The following DLG2 variants were observed in gnomAD, a reference collection of about 807,000 sequenced individuals.
DLG2 encodes discs large MAGUK scaffold protein 2, also known as disks large homolog 2.
Under a neutral mutation model 132.5 loss-of-function variants are expected in DLG2, and 45 were observed. The ratio of observed to expected loss-of-function variants is 0.34; its 90% CI spans 0.27 to 0.44. The LOEUF (loss-of-function observed/expected upper bound fraction) is 0.44. DLG2 is among the 20% of genes least tolerant of loss of function. The pLI is 1.00. For missense variants in DLG2, 1,045 were observed against 1,196.9 expected (o/e 0.87, Z 1.87); for synonymous variants, 424 against 419.6 (o/e 1.01, Z -0.13).
At chr11:85,001,599 G>C (rs1404653927) in intron 6 of DLG2, among the ~76,000 whole-genome samples, 1 of 152,150 alleles carries the variant, frequency 6.6e-6, no homozygotes, top group Non-Finnish European at 1.5e-5. Context: ...TAACTGAAGA[G>C]CTTTTAAAAA....
intron 4 of DLG2, among the ~76,000 whole-genome samples, chr11:85,272,100 A>C (rs2077569042): frequency 6.6e-6 from 1 of 152,152 alleles, no homozygotes; most frequent in South Asian, 2.1e-4. Context: ...GGTGAGAGGT[A>C]ATTGAATCAT....
chr11:84,915,952 C>T (rs747580531), intron 6 of DLG2, among the ~76,000 whole-genome samples: 1 of 152,096 alleles, frequency 6.6e-6, no homozygotes, highest in African/African-American at 2.4e-5. Context: ...GGGCAGCATC[C>T]CCTGAGGATC....
At chr11:83,686,022 C>T (rs1319816027) in intron 18 of DLG2, among the ~76,000 whole-genome samples, 1 of 151,814 alleles carries the variant, frequency 6.6e-6, no homozygotes, top group East Asian at 1.9e-4. Context: ...TTTCCATCTC[C>T]ACCCTCATCT....
chr11:85,333,005 A>G (rs2081873817), intron 3 of DLG2, among the ~76,000 whole-genome samples: 1 of 152,204 alleles, frequency 6.6e-6, no homozygotes, highest in African/African-American at 2.4e-5. Flanking sequence ...TGCTAGTTTG[A>G]TACGAATAGC....
intron 6 of DLG2, among the ~76,000 whole-genome samples, chr11:84,563,233 T>C (rs1158500738): frequency 1.3e-5 from 2 of 152,208 alleles, no homozygotes; most frequent in African/African-American, 4.8e-5. Context: ...ACGTCTGATA[T>C]TGAGCTATCT....
chr11:85,151,754 T>C (rs2077267344), intron 5 of DLG2, among the ~76,000 whole-genome samples: 1 of 152,218 alleles, frequency 6.6e-6, no homozygotes. Context: ...TATATCTGTC[T>C]TTATGCCAGT....
intron 6 of DLG2, among the ~76,000 whole-genome samples, chr11:85,062,405 G>C (rs550628876): frequency 2.0e-5 from 3 of 151,644 alleles, no homozygotes; most frequent in Admixed American, 6.6e-5. Flanking sequence ...TGGGCTCATG[G>C]TTCCTACTTT....
intron 19 of DLG2, 31 bp downstream of exon 19, chr11:83,633,180 A>G (rs751429466): frequency 6.3e-7 from 1 of 1,596,046 alleles, no homozygotes; most frequent in South Asian, 1.1e-5. Flanking sequence ...TTGCTCACAA[A>G]GTGCAGATAG....
intron 6 of DLG2, among the ~76,000 whole-genome samples, chr11:84,794,536 C>T (rs2074298279): frequency 6.6e-6 from 1 of 152,112 alleles, no homozygotes; most frequent in African/African-American, 2.4e-5. Flanking sequence ...CTCTTGGGGG[C>T]AGGGAGCAGG....
At chr11:84,429,625 C>G (rs1046460772) in intron 7 of DLG2, among the ~76,000 whole-genome samples, 2 of 152,120 alleles carry the variant, frequency 1.3e-5, no homozygotes, top group African/African-American at 4.8e-5. Flanking sequence ...CAGATATAAG[C>G]AAATACTACG....
chr11:84,464,599 A>G (rs928749980), intron 7 of DLG2, among the ~76,000 whole-genome samples: 2 of 151,118 alleles, frequency 1.3e-5, no homozygotes, highest in African/African-American at 4.8e-5. Context: ...TTTTCAGAGC[A>G]AAAATTATGA....
chr11:85,440,859 C>T (rs187480903), intron 3 of DLG2, among the ~76,000 whole-genome samples: 113 of 152,190 alleles, frequency 7.4e-4, no homozygotes, highest in African/African-American at 2.7e-3. Context: ...GGGGCCTAGG[C>T]AACCCTATGA....
At chr11:83,654,624 T>C (rs1304152897) in intron 18 of DLG2, among the ~76,000 whole-genome samples, 1 of 152,206 alleles carries the variant, frequency 6.6e-6, no homozygotes, top group Non-Finnish European at 1.5e-5. Flanking sequence ...TGTGTGTACT[T>C]GTTCTACTGG....
At position 84,367,806 on chromosome 11, in the gene DLG2, C is replaced by T. The variant is rs370184334; in HGVS notation, c.520-116515G>A. ...GATTTCTCATCCTCCAGGACCTTAA[C>T]GAATAAATTTATTTTCTTTATCAAT... On this transcript the variant is annotated intron_variant, in intron 7 of 27. Coordinates refer to ENST00000376104, the MANE Select transcript of DLG2 (RefSeq NM_001142699.3). Among the ~76,000 whole-genome samples the T allele has an allele frequency of 7.2e-5, 11 of 152,098 alleles. No individual in the cohort carries two copies. In the East Asian group the frequency reaches 9.7e-4, roughly 13 times the overall value.
chr11:85,120,173 A>C (rs144829010), intron 5 of DLG2, among the ~76,000 whole-genome samples: 1 of 152,222 alleles, frequency 6.6e-6, no homozygotes, highest in Non-Finnish European at 1.5e-5. Context: ...GGGTCAATGG[A>C]TATTACTTGC....
intron 3 of DLG2, among the ~76,000 whole-genome samples, chr11:85,423,812 C>A (rs1445064771): frequency 6.6e-6 from 1 of 152,160 alleles, no homozygotes; most frequent in African/African-American, 2.4e-5. Context: ...TATTTCCAGG[C>A]AGTTGGAAAG....
intron 3 of DLG2, among the ~76,000 whole-genome samples, chr11:85,504,082 G>C (rs141975841): frequency 0.036 from 5,406 of 152,268 alleles, 147 homozygotes; most frequent in Admixed American, 0.053. Context: ...TTGTAAATTT[G>C]TTTAAGTTCT....
chr11:83,836,727 A>G (rs2056271754), intron 16 of DLG2, among the ~76,000 whole-genome samples: 1 of 152,180 alleles, frequency 6.6e-6, no homozygotes, highest in African/African-American at 2.4e-5. Flanking sequence ...CAGAGAGACA[A>G]CGGTGCATTA....
chr11:84,709,144 T>C (rs562932159), intron 6 of DLG2, among the ~76,000 whole-genome samples: 4 of 151,834 alleles, frequency 2.6e-5, no homozygotes, highest in Admixed American at 6.6e-5. Context: ...CTACTTCAAA[T>C]AGGAGAAAAT....
Sources: allele counts gnomAD v4.1 joint callset (sites outside exome capture counted in the v4.1 genomes callset), GRCh38; gene constraint gnomAD v4.1.1; transcripts MANE v1.5; gene names NCBI Gene and HGNC (gene_info 2026-07-23, HGNC 2026-07-21).